Variants in RALYL observed in about 807,000 individuals in gnomAD.
The protein encoded by RALYL is RNA-binding Raly-like protein.
A neutral mutation model predicts 35.1 loss-of-function variants in RALYL; 29 were observed. The ratio of observed to expected loss-of-function variants is 0.83; its 90% confidence interval spans 0.61 to 1.13. RALYL has a LOEUF of 1.13. Among genes scored for constraint, RALYL ranks in the 50% most tolerant of loss-of-function variants. The pLI is 0.00. For synonymous variants in RALYL, 120 were observed against 127.6 expected, an observed-to-expected ratio of 0.94 and a Z score of 0.40; for missense variants, 359 against 360.4, an observed-to-expected ratio of 1.00 and a Z score of 0.03.
chr8:84,183,653 TTTTG>T lies in RALYL; in HGVS notation c.-791_-788del, dbSNP rs1291965552. The T allele has an allele frequency of 1.3e-5, 2 of 152,720 alleles. No homozygotes were observed. Among genetic ancestry groups the T allele is most frequent in the Non-Finnish European group, 2.9e-5 (2 of 68,208 alleles). 9.5% of individuals were successfully genotyped at this position (152,720 alleles called of 1,614,324 possible). On this transcript the variant is annotated 5_prime_UTR_variant, in exon 1 of 9. Transcript: ENST00000521268. ...TTTTTTGGTTTTTTGTTTTTTTTGTTTTTGTTTTTTTTCTTTTTTTCCACTTCTT... is the reference window on the plus strand; with the variant it reads ...TTTTTTGGTTTTTTGTTTTTTTTGTTTTTTTTTTCTTTTTTTCCACTTCTT...
intron 1 of RALYL, among the ~76,000 whole-genome samples, chr8:84,469,222 C>T (rs532857896): frequency 0.016 from 2,422 of 152,098 alleles, 61 homozygotes; most frequent in African/African-American, 0.055. Context: ...AGGCTCTCTG[C>T]TTTTTAGAGT....
chr8:84,484,800 G>T (rs1008185895), intron 1 of RALYL, among the ~76,000 whole-genome samples: 3 of 151,978 alleles, frequency 2.0e-5, no homozygotes, highest in African/African-American at 7.2e-5. Flanking sequence ...TTATTTTGGG[G>T]CATGATGAGC....
chr8:84,820,524 A>G (rs1292369196), intron 4 of RALYL, among the ~76,000 whole-genome samples: 1 of 152,066 alleles, frequency 6.6e-6, no homozygotes, highest in Admixed American at 6.6e-5. Context: ...ACATGAATTT[A>G]GTTTTGTTTT....
At chr8:84,342,882 A>G (rs1849118855) in intron 1 of RALYL, among the ~76,000 whole-genome samples, 1 of 152,052 alleles carries the variant, frequency 6.6e-6, no homozygotes, top group Admixed American at 6.6e-5. Context: ...TTAGGCCTCT[A>G]GCTTTTCCTA....
At chr8:84,416,773 T>C (rs1363250310) in intron 1 of RALYL, among the ~76,000 whole-genome samples, 1 of 152,184 alleles carries the variant, frequency 6.6e-6, no homozygotes, top group Non-Finnish European at 1.5e-5. Context: ...TACTCCTAAA[T>C]GCATTCTAGT....
intron 2 of RALYL, among the ~76,000 whole-genome samples, chr8:84,594,069 C>A (rs1421451297): frequency 2.6e-5 from 4 of 152,038 alleles, no homozygotes; most frequent in African/African-American, 7.2e-5. Flanking sequence ...CTGATCTCAA[C>A]ATTTTCTATT....
At chr8:84,861,099 T>C (rs1297685385) in intron 5 of RALYL, among the ~76,000 whole-genome samples, 1 of 152,184 alleles carries the variant, frequency 6.6e-6, no homozygotes, top group Admixed American at 6.5e-5. Flanking sequence ...TAGTTTCTCA[T>C]TTCTGACTTT....
intron 2 of RALYL, among the ~76,000 whole-genome samples, chr8:84,740,256 G>T (rs1338724313): frequency 6.6e-6 from 1 of 151,916 alleles, no homozygotes; most frequent in Non-Finnish European, 1.5e-5. Flanking sequence ...ACTGGGAGAT[G>T]ATTTCAAAAC....
At chr8:84,892,813 C>G (rs773251808) in intron 8 of RALYL, among the ~76,000 whole-genome samples, 1 of 152,088 alleles carries the variant, frequency 6.6e-6, no homozygotes, top group Non-Finnish European at 1.5e-5. Flanking sequence ...GACTAAAAAT[C>G]TGTGATTCTA....
chr8:84,772,094 A>G (rs1032968236), intron 2 of RALYL, among the ~76,000 whole-genome samples: 7 of 151,920 alleles, frequency 4.6e-5, no homozygotes, highest in Non-Finnish European at 1.0e-4. Context: ...ATCATTATTT[A>G]TTTAAGAATC....
intron 6 of RALYL, among the ~76,000 whole-genome samples, chr8:84,863,536 TC>T (rs1421065293): frequency 1.3e-5 from 2 of 152,178 alleles, no homozygotes; most frequent in Non-Finnish European, 2.9e-5. Flanking sequence ...AATACTATTA[TC>T]CCAGTTTTAT....
At chr8:84,479,593 G>A (rs1053785136) in intron 1 of RALYL, among the ~76,000 whole-genome samples, 4 of 152,102 alleles carry the variant, frequency 2.6e-5, no homozygotes, top group South Asian at 2.1e-4. Context: ...CTGTGTCTTT[G>A]TTCTGGAAAC....
chr8:84,732,684 ACAC>A (rs1305093289), intron 2 of RALYL, among the ~76,000 whole-genome samples: 1 of 94,986 alleles, frequency 1.1e-5, no homozygotes, highest in African/African-American at 4.7e-5. Flanking sequence ...ATATATATAT[ACAC>A]ACACACACAC....
intron 1 of RALYL, among the ~76,000 whole-genome samples, chr8:84,228,917 C>T (rs1345805037): frequency 6.6e-6 from 1 of 152,182 alleles, no homozygotes; most frequent in Admixed American, 6.5e-5. Flanking sequence ...ATACAATTAT[C>T]TCCACTTGGT....
At chr8:84,527,935 T>A (rs1188006501) in intron 1 of RALYL, among the ~76,000 whole-genome samples, 1 of 152,168 alleles carries the variant, frequency 6.6e-6, no homozygotes, top group Non-Finnish European at 1.5e-5. Flanking sequence ...AAATCCCAGA[T>A]GTAATATTGA....
At chr8:84,632,583 C>CTGTGTG (rs112708469) in intron 2 of RALYL, among the ~76,000 whole-genome samples, 1,940 of 145,154 alleles carry the variant, frequency 0.013, 16 homozygotes, top group Middle Eastern at 0.021. Context: ...TTATATAGAC[C>CTGTGTG]TGTGTGTGTG....
intron 4 of RALYL, among the ~76,000 whole-genome samples, chr8:84,830,565 C>A (rs1322160938): frequency 6.6e-6 from 1 of 151,958 alleles, no homozygotes; most frequent in South Asian, 2.1e-4. Context: ...GCCAAGTAAA[C>A]AATGATTGTA....
At chr8:84,725,696 G>A (rs1011023431) in intron 2 of RALYL, among the ~76,000 whole-genome samples, 2 of 151,592 alleles carry the variant, frequency 1.3e-5, no homozygotes, top group East Asian at 3.9e-4. Flanking sequence ...AGAAATATGA[G>A]TTATAAGTAA....
At chr8:84,425,793 G>A (rs868293294) in intron 1 of RALYL, among the ~76,000 whole-genome samples, 14 of 146,274 alleles carry the variant, frequency 9.6e-5, no homozygotes, top group African/African-American at 2.5e-4. Context: ...CTGTGTGTGT[G>A]TGTGTGTGTG....
Sources: gnomAD v4.1 joint callset for allele counts (sites outside exome capture counted in the v4.1 genomes callset) on GRCh38, gnomAD v4.1.1 for gene constraint, MANE v1.5 for transcripts, NCBI Gene and HGNC (gene_info 2026-07-23, HGNC 2026-07-21) for gene names.